FSTL5: variants seen among roughly 807,000 people sequenced by gnomAD.
FSTL5 encodes follistatin-related protein 5.
A neutral mutation model predicts 89.1 loss-of-function variants in FSTL5; 62 were observed. The ratio of observed to expected loss-of-function variants is 0.70; its 90% CI spans 0.57 to 0.86. The LOEUF (loss-of-function observed/expected upper bound fraction) is 0.86. Among genes scored for constraint, FSTL5 ranks in the 40% least tolerant of loss-of-function variants. The pLI is 0.00. For synonymous variants in FSTL5, 383 were observed against 346.2 expected, an observed-to-expected ratio of 1.11 and a Z score of -1.18; for missense variants, 1,057 against 1,001.6, an observed-to-expected ratio of 1.06 and a Z score of -0.75.
At chr4:161,702,649 A>G (rs970260480) in intron 6 of FSTL5, among the ~76,000 whole-genome samples, 2 of 152,172 alleles carry the variant, frequency 1.3e-5, no homozygotes, top group African/African-American at 4.8e-5. Context: ...GAATGCTTTT[A>G]TAAGTGTCTA....
At chr4:161,427,959 T>A (rs1348951707) in intron 15 of FSTL5, among the ~76,000 whole-genome samples, 1 of 152,112 alleles carries the variant, frequency 6.6e-6, no homozygotes, top group Non-Finnish European at 1.5e-5. Context: ...TAACTTCTTA[T>A]CACTAAAAGA....
At chr4:161,762,569 G>A (rs187878555) in intron 5 of FSTL5, among the ~76,000 whole-genome samples, 1 of 152,164 alleles carries the variant, frequency 6.6e-6, no homozygotes, top group East Asian at 1.9e-4. Flanking sequence ...ATTATCTCAT[G>A]CTATTTTTTA....
chr4:162,029,162 AGAGAGT>A (rs1037784243), intron 3 of FSTL5, among the ~76,000 whole-genome samples: 17 of 93,224 alleles, frequency 1.8e-4, no homozygotes, highest in Admixed American at 1.0e-3. Context: ...AGAGAGAGAG[AGAGAGT>A]GTGTGTGTGT....
intron 4 of FSTL5, among the ~76,000 whole-genome samples, chr4:161,899,392 G>C (rs935286106): frequency 2.6e-5 from 4 of 152,134 alleles, no homozygotes; most frequent in African/African-American, 9.7e-5. Context: ...TTTAATTATA[G>C]GTGCCAGTAA....
At chr4:161,805,385 C>G (rs916059036) in intron 4 of FSTL5, among the ~76,000 whole-genome samples, 12 of 151,974 alleles carry the variant, frequency 7.9e-5, no homozygotes, top group African/African-American at 2.9e-4. Flanking sequence ...AGTTAGAAAA[C>G]CACTGAAGCA....
At chr4:161,538,127 A>C (rs777745767) in intron 10 of FSTL5, 39 bp downstream of exon 10, 176 of 1,601,762 alleles carry the variant, frequency 1.1e-4, no homozygotes, top group Non-Finnish European at 1.4e-4. Flanking sequence ...AGTACGTTGA[A>C]TATGGTGTGT....
chr4:161,553,296 T>C (rs1004652760), intron 8 of FSTL5, among the ~76,000 whole-genome samples: 3 of 151,322 alleles, frequency 2.0e-5, no homozygotes, highest in African/African-American at 7.3e-5. Context: ...AGGAACATTA[T>C]AAAAAGTTGA....
chr4:161,695,460 T>C (rs1738117353), intron 6 of FSTL5, among the ~76,000 whole-genome samples: 2 of 139,574 alleles, frequency 1.4e-5, no homozygotes, highest in South Asian at 2.2e-4. Flanking sequence ...TGTGTATATA[T>C]ATCACATATA....
intron 4 of FSTL5, among the ~76,000 whole-genome samples, chr4:161,874,410 G>C (rs1244808143): frequency 6.6e-6 from 1 of 151,512 alleles, no homozygotes; most frequent in East Asian, 1.9e-4. Context: ...ATGTATTTTG[G>C]GGTGGATCTC....
intron 3 of FSTL5, among the ~76,000 whole-genome samples, chr4:161,964,538 T>A (rs1452290149): frequency 6.6e-6 from 1 of 152,048 alleles, no homozygotes. Context: ...TCAAGCTTTT[T>A]TAATATAGCG....
intron 15 of FSTL5, among the ~76,000 whole-genome samples, chr4:161,441,232 G>A (rs765357134): frequency 6.6e-6 from 1 of 152,042 alleles, no homozygotes; most frequent in Non-Finnish European, 1.5e-5. Flanking sequence ...TCTCTTCCAC[G>A]TTTTGTTTGC....
intron 8 of FSTL5, among the ~76,000 whole-genome samples, chr4:161,558,559 C>G (rs1732476459): frequency 6.6e-6 from 1 of 151,662 alleles, no homozygotes; most frequent in Admixed American, 6.6e-5. Flanking sequence ...TTACTCTTAA[C>G]TTTCTCACTC....
At chr4:161,764,328 G>A (rs190692903) in intron 5 of FSTL5, among the ~76,000 whole-genome samples, 37 of 152,106 alleles carry the variant, frequency 2.4e-4, no homozygotes, top group Middle Eastern at 3.4e-3. Flanking sequence ...GTGCGATCTC[G>A]GCTCACTGCA....
At chr4:161,486,936 A>T (rs964310578) in intron 12 of FSTL5, among the ~76,000 whole-genome samples, 1 of 152,210 alleles carries the variant, frequency 6.6e-6, no homozygotes, top group African/African-American at 2.4e-5. Context: ...TGAAAAGAAA[A>T]GATTTTCCAC....
intron 4 of FSTL5, among the ~76,000 whole-genome samples, chr4:161,841,682 G>T (rs1199544655): frequency 6.6e-6 from 1 of 152,172 alleles, no homozygotes; most frequent in Non-Finnish European, 1.5e-5. Context: ...GTAGTATTAA[G>T]TGTCTAATTA....
intron 2 of FSTL5, among the ~76,000 whole-genome samples, chr4:162,055,497 T>C (rs944632947): frequency 6.7e-6 from 1 of 148,344 alleles, no homozygotes; most frequent in African/African-American, 2.5e-5. Context: ...GACCCATATA[T>C]ATAAATAGAT....
intron 2 of FSTL5, among the ~76,000 whole-genome samples, chr4:162,071,244 A>G (rs967627797): frequency 1.3e-5 from 2 of 151,748 alleles, no homozygotes; most frequent in African/African-American, 4.8e-5. Flanking sequence ...TATGCTGCCT[A>G]TAAGAAATTC....
chr4:161,618,936 A>C (rs1351411019), intron 7 of FSTL5, among the ~76,000 whole-genome samples: 1 of 152,236 alleles, frequency 6.6e-6, no homozygotes, highest in Non-Finnish European at 1.5e-5. Context: ...CTGACTTCAA[A>C]CTATACTATA....
chr4:161,564,991 A>C (rs1441944422), intron 8 of FSTL5, among the ~76,000 whole-genome samples: 3 of 151,938 alleles, frequency 2.0e-5, no homozygotes, highest in Admixed American at 2.0e-4. Flanking sequence ...GCACAAAATT[A>C]TATGTATTTT....
Sources: gnomAD v4.1 joint callset for allele counts (sites outside exome capture counted in the v4.1 genomes callset) on GRCh38, gnomAD v4.1.1 for gene constraint, MANE v1.5 for transcripts, NCBI Gene and HGNC (gene_info 2026-07-23, HGNC 2026-07-21) for gene names.